RPS6KA6: variants seen among roughly 807,000 people sequenced by gnomAD.
The protein encoded by RPS6KA6 is ribosomal protein S6 kinase alpha-6.
In RPS6KA6, 27 loss-of-function variants were observed where a neutral mutation model predicts 65.4. The observed-to-expected ratio is 0.41, with a 90% CI of 0.30 to 0.57. The LOEUF is 0.57. Among genes scored for constraint, RPS6KA6 ranks in the 20% least tolerant of loss-of-function variants. RPS6KA6 has a pLI of 0.24. For synonymous variants in RPS6KA6, 190 were observed against 184.2 expected, an observed-to-expected ratio of 1.03 and a Z score of -0.26; for missense variants, 486 against 555.6, an observed-to-expected ratio of 0.87 and a Z score of 1.26.
chrX:84,058,945 C>G lies in RPS6KA6; in HGVS notation c.*5332G>C, dbSNP rs2033251926. Reference sequence around the variant, plus strand: ...TTCATAAAGCCTATGTAACTCCCAACTACCAACAGTACTTCCTGTTTTTTT... The same window carrying G: ...TTCATAAAGCCTATGTAACTCCCAAGTACCAACAGTACTTCCTGTTTTTTT... On this transcript the variant is annotated 3_prime_UTR_variant, in exon 22 of 22. Coordinates refer to ENST00000262752, the MANE Select transcript of RPS6KA6 (RefSeq NM_014496.5). The G allele has an allele frequency of 9.5e-6, 1 of 105,352 alleles. No individual in the cohort carries two copies. The highest frequency in any genetic ancestry group is 3.5e-5 in the African/African-American group (1 of 28,667). 8.7% of individuals were successfully genotyped at this position (105,352 alleles called of 1,213,427 possible).
intron 20 of RPS6KA6, among the ~76,000 whole-genome samples, chrX:84,093,790 C>T (rs1485691327): frequency 1.8e-5 from 2 of 111,769 alleles, no homozygotes; most frequent in Non-Finnish European, 3.8e-5. Flanking sequence ...GCATTCTGTA[C>T]ATCTTGCTAG....
At chrX:84,156,593 T>G (rs1007741242) in intron 2 of RPS6KA6, among the ~76,000 whole-genome samples, 5 of 111,582 alleles carry the variant, frequency 4.5e-5, no homozygotes, top group African/African-American at 1.6e-4. Context: ...AGAGCTTTTT[T>G]AAATAGTATT....
At chrX:84,141,745 T>C (rs1054975444) in intron 6 of RPS6KA6, among the ~76,000 whole-genome samples, 3 of 111,400 alleles carry the variant, frequency 2.7e-5, no homozygotes, top group East Asian at 5.6e-4. Context: ...AAATAAGATT[T>C]TGAAGAAAAG....
rs2034372860 is a variant in RPS6KA6, at chrX:84,107,004, T to C, written c.1148A>G (p.Gln383Arg). The change falls in exon 14 of 22, where the codon CAG becomes CGG. Residue 383 changes from glutamine to arginine, a missense_variant. This residue lies in a region of RPS6KA6 where 345 missense variants were observed against 375.0 expected (regional missense o/e 0.92). Transcript: ENST00000262752. ...AACAAAGCTGAATCCTTTGAAGAGC[T>C]GATGAGCATTTGCACTGGCTGGCAA... ...PGLPASANAH[Q>R]LFKGFSFVAT... 2 of 1,202,869 alleles carry C rather than the reference T, an allele frequency of 1.7e-6. No homozygotes were observed. The highest frequency in any genetic ancestry group is 2.2e-6 in the Non-Finnish European group (2 of 890,186).
intron 8 of RPS6KA6, among the ~76,000 whole-genome samples, chrX:84,120,397 G>C (rs1190191033): frequency 9.0e-6 from 1 of 111,257 alleles, no homozygotes; most frequent in Non-Finnish European, 1.9e-5. Flanking sequence ...TATTAAAAAA[G>C]CAAATTTTGC....
chrX:84,092,265 T>C (rs1318068930), intron 20 of RPS6KA6, among the ~76,000 whole-genome samples: 3 of 109,777 alleles, frequency 2.7e-5, no homozygotes, highest in African/African-American at 1.0e-4. Context: ...ATAGACAAAA[T>C]AAAGCACCAG....
chrX:84,103,414 G>A (rs1337871660), intron 17 of RPS6KA6, among the ~76,000 whole-genome samples: 2 of 110,967 alleles, frequency 1.8e-5, no homozygotes, highest in African/African-American at 6.5e-5. Context: ...TCCCCCATGT[G>A]ATAAGTTCCC....
At chrX:84,088,191 G>A (rs1602391695) in intron 20 of RPS6KA6, among the ~76,000 whole-genome samples, 1 of 112,201 alleles carries the variant, frequency 8.9e-6, no homozygotes, top group South Asian at 3.7e-4. Flanking sequence ...TGAAGGGGAA[G>A]AGGTCCTCTG....
intron 20 of RPS6KA6, among the ~76,000 whole-genome samples, chrX:84,072,064 C>G (rs1473973278): frequency 9.0e-6 from 1 of 111,668 alleles, no homozygotes; most frequent in Admixed American, 9.5e-5. Context: ...CTGCCAAACT[C>G]ATTGTATGAA....
intron 18 of RPS6KA6, 50 bp downstream of exon 18, chrX:84,101,987 C>T: frequency 9.7e-7 from 1 of 1,032,513 alleles, no homozygotes; most frequent in Non-Finnish European, 1.3e-6. Flanking sequence ...CATATAGATT[C>T]AACTAAAGGA....
rs765446287 is a variant in RPS6KA6, at chrX:84,107,082, A to T, written c.1112-42T>A. 6.4e-6 allele frequency: 7 copies of T among 1,090,194 alleles called. No homozygotes were observed. In the African/African-American group the frequency reaches 1.1e-4, roughly 17 times the overall value. 89.8% of individuals were successfully genotyped at this position (1,090,194 alleles called of 1,213,427 possible). On this transcript the variant is annotated intron_variant, in intron 13 of 21. Transcript: ENST00000262752. Reference sequence around the variant, plus strand: ...TACATTTAATTATAACTACACACAGAATTCTATGATATAAAGTGTCAGAAT... The same window carrying T: ...TACATTTAATTATAACTACACACAGTATTCTATGATATAAAGTGTCAGAAT...
At chrX:84,108,750 G>A (rs936205315) in intron 12 of RPS6KA6, among the ~76,000 whole-genome samples, 2 of 111,703 alleles carry the variant, frequency 1.8e-5, no homozygotes. Flanking sequence ...TTTGATCCCT[G>A]AGCAGCCTGG....
intron 3 of RPS6KA6, among the ~76,000 whole-genome samples, chrX:84,154,060 A>G (rs752298121): frequency 9.0e-6 from 1 of 111,594 alleles, no homozygotes; most frequent in Non-Finnish European, 1.9e-5. Flanking sequence ...AAGAAAACCC[A>G]TGAGAGAAAT....
At chrX:84,136,466 T>G (rs959519569) in intron 6 of RPS6KA6, among the ~76,000 whole-genome samples, 3 of 111,166 alleles carry the variant, frequency 2.7e-5, no homozygotes, top group African/African-American at 9.8e-5. Flanking sequence ...TATCTAAGTT[T>G]TGGGAGCATT....
intron 20 of RPS6KA6, among the ~76,000 whole-genome samples, chrX:84,083,558 T>C (rs1195462198): frequency 8.9e-6 from 1 of 112,533 alleles, no homozygotes; most frequent in Non-Finnish European, 1.9e-5. Context: ...AAGAACATCC[T>C]TTTCATGGCT....
intron 20 of RPS6KA6, among the ~76,000 whole-genome samples, chrX:84,075,451 T>C (rs1315669530): frequency 9.1e-6 from 1 of 110,420 alleles, no homozygotes; most frequent in African/African-American, 3.3e-5. Flanking sequence ...CAGAAGAAAA[T>C]TGGGAGCAGA....
At chrX:84,145,664 G>A (rs2035186386) in intron 5 of RPS6KA6, 107 bp from the exon 6 acceptor site, 1 of 408,154 alleles carries the variant, frequency 2.5e-6, no homozygotes. Context: ...TTACTCACAT[G>A]GTTCATTAAT....
chrX:84,107,752 A>C, intron 12 of RPS6KA6, 27 bp from the exon 13 acceptor site: 1 of 835,712 alleles, frequency 1.2e-6, no homozygotes. Flanking sequence ...GATAACACAA[A>C]ACGTATTAAG....
intron 14 of RPS6KA6, 85 bp downstream of exon 14, chrX:84,106,824 CT>C: frequency 2.6e-6 from 2 of 781,768 alleles, no homozygotes; most frequent in South Asian, 6.8e-5. Flanking sequence ...TTAAAAATCA[CT>C]TTAAAAAAAA....
Sources: allele counts gnomAD v4.1 joint callset (sites outside exome capture counted in the v4.1 genomes callset), GRCh38; gene constraint gnomAD v4.1.1; regional missense constraint gnomAD v4.1.1; transcripts MANE v1.5; gene names NCBI Gene and HGNC (gene_info 2026-07-23, HGNC 2026-07-21).